The following COX7B2 variants were observed in gnomAD, a reference collection of about 807,000 sequenced individuals.
The protein encoded by COX7B2 is cytochrome c oxidase subunit 7B2, mitochondrial.
For missense variants in COX7B2, 109 were observed against 95.9 expected, an observed-to-expected ratio of 1.14 and a Z score of -0.57; for synonymous variants, 37 against 32.1, an observed-to-expected ratio of 1.15 and a Z score of -0.51.
At chr4:46,856,311 C>A (rs1200118362) in intron 1 of COX7B2, among the ~76,000 whole-genome samples, 1 of 152,102 alleles carries the variant, frequency 6.6e-6, no homozygotes, top group Non-Finnish European at 1.5e-5. Flanking sequence ...AGATTGAGAA[C>A]CAGGCAGAGG....
chr4:46,768,351 A>ATATC (rs980446590), intron 2 of COX7B2, among the ~76,000 whole-genome samples: 7 of 133,674 alleles, frequency 5.2e-5, no homozygotes, highest in African/African-American at 1.9e-4. Context: ...ATAGTCTCCA[A>ATATC]TATCTAGCTG....
In COX7B2 at chr4:46,824,520, G is replaced by C. The variant is rs547246579; in HGVS notation, c.-50+20440C>G. Among the ~76,000 whole-genome samples the C allele has an allele frequency of 2.9e-4, 44 of 152,088 alleles. 1 individual carries two copies. Among genetic ancestry groups the C allele is most frequent in the African/African-American group, 9.2e-4 (38 of 41,504 alleles). ...TGCTGCCGTATGTGATTACAGTTAA[G>C]AGATAGAAAAACAGACAAACAAACA... On this transcript the variant is annotated intron_variant, in intron 2 of 2. Coordinates refer to ENST00000355591, the MANE Select transcript of COX7B2 (RefSeq NM_130902.3).
At chr4:46,851,061 G>GAA (rs1716646916) in intron 1 of COX7B2, among the ~76,000 whole-genome samples, 2 of 152,040 alleles carry the variant, frequency 1.3e-5, no homozygotes, top group Admixed American at 1.3e-4. Context: ...AGTTACCGGG[G>GAA]AACAAAGGCT....
chr4:46,837,006 A>G (rs1207385474), intron 2 of COX7B2, among the ~76,000 whole-genome samples: 4 of 152,116 alleles, frequency 2.6e-5, no homozygotes, highest in African/African-American at 4.8e-5. Flanking sequence ...AGTTTTACAT[A>G]TAGATTAGTC....
At chr4:46,828,112 T>C (rs1316289206) in intron 2 of COX7B2, among the ~76,000 whole-genome samples, 1 of 152,138 alleles carries the variant, frequency 6.6e-6, no homozygotes, top group South Asian at 2.1e-4. Flanking sequence ...AAATTTGATT[T>C]AGGAAAACAT....
intron 2 of COX7B2, among the ~76,000 whole-genome samples, chr4:46,813,437 C>G (rs59667605): frequency 7.2e-5 from 11 of 152,054 alleles, no homozygotes; most frequent in African/African-American, 2.7e-4. Flanking sequence ...AAACATAGAT[C>G]ACTCAGATTA....
At chr4:46,831,760 T>G (rs1715124257) in intron 2 of COX7B2, among the ~76,000 whole-genome samples, 1 of 152,130 alleles carries the variant, frequency 6.6e-6, no homozygotes. Context: ...GGTTTGTAAA[T>G]GCACCAATCA....
chr4:46,754,728 G>GTGTGTATA (rs1333586285), intron 2 of COX7B2, among the ~76,000 whole-genome samples: 1 of 39,866 alleles, frequency 2.5e-5, no homozygotes, highest in Non-Finnish European at 4.1e-5. Flanking sequence ...GTGTGTGTGT[G>GTGTGTATA]TATATATATA....
At chr4:46,831,335 C>T (rs567496471) in intron 2 of COX7B2, among the ~76,000 whole-genome samples, 30 of 152,150 alleles carry the variant, frequency 2.0e-4, no homozygotes, top group Non-Finnish European at 3.7e-4. Flanking sequence ...CCTCCCACCC[C>T]GCCATGGGCT....
At position 46,778,326 on chromosome 4, in the gene COX7B2, C is replaced by T. The variant is rs376190311; in HGVS notation, c.-49-43085G>A. Among the ~76,000 whole-genome samples, 19 of 152,224 alleles carry T rather than the reference C, an allele frequency of 1.2e-4. No individual in the cohort carries two copies. In the East Asian group the frequency reaches 3.5e-3, roughly 28 times the overall value. On this transcript the variant is annotated intron_variant, in intron 2 of 2. Coordinates refer to ENST00000355591, the MANE Select transcript of COX7B2 (RefSeq NM_130902.3). Reference sequence around the variant, plus strand: ...ATATTACACAAGTGTCTCCTATACTCATTAATTTTCCTTTTTCAATATACA... The same window carrying T: ...ATATTACACAAGTGTCTCCTATACTTATTAATTTTCCTTTTTCAATATACA...
At chr4:46,881,209 G>A (rs1265360399) in intron 1 of COX7B2, among the ~76,000 whole-genome samples, 1 of 152,108 alleles carries the variant, frequency 6.6e-6, no homozygotes, top group Non-Finnish European at 1.5e-5. Flanking sequence ...TGCCCAAGGT[G>A]GTCAGGGCAC....
intron 2 of COX7B2, among the ~76,000 whole-genome samples, chr4:46,761,511 T>C (rs1403692512): frequency 6.6e-6 from 1 of 152,170 alleles, no homozygotes; most frequent in Non-Finnish European, 1.5e-5. Flanking sequence ...AGCTGAACTG[T>C]TCCTGTTTCT....
chr4:46,751,977 G>C (rs1377579005), intron 2 of COX7B2, among the ~76,000 whole-genome samples: 5 of 152,040 alleles, frequency 3.3e-5, no homozygotes, highest in Admixed American at 6.6e-5. Flanking sequence ...AGCTTGATGG[G>C]GATGGCATTG....
chr4:46,835,455 CAT>C lies in COX7B2; in HGVS notation c.-50+9503_-50+9504del, dbSNP rs1003805311. ...GTCCCCCCTCAAAAACACACACACA[CAT>C]GTTAATAAGGCAGACTGTTCGAGAA... On this transcript the variant is annotated intron_variant, in intron 2 of 2. Transcript: ENST00000355591. Among the ~76,000 whole-genome samples the C allele has an allele frequency of 2.6e-4, 40 of 151,784 alleles. No individual in the cohort carries two copies. In the East Asian group the frequency reaches 4.2e-3, roughly 16 times the overall value.
intron 1 of COX7B2, among the ~76,000 whole-genome samples, chr4:46,854,427 A>G (rs1202364123): frequency 6.6e-6 from 1 of 152,244 alleles, no homozygotes; most frequent in Non-Finnish European, 1.5e-5. Flanking sequence ...TAGCCACACT[A>G]GCCATATGTG....
intron 2 of COX7B2, among the ~76,000 whole-genome samples, chr4:46,806,342 A>C (rs1161059882): frequency 6.6e-6 from 1 of 151,968 alleles, no homozygotes; most frequent in African/African-American, 2.4e-5. Flanking sequence ...TGATGAAAAA[A>C]TAAAAAATAA....
At chr4:46,868,202 T>A (rs1348627572) in intron 1 of COX7B2, among the ~76,000 whole-genome samples, 1 of 152,158 alleles carries the variant, frequency 6.6e-6, no homozygotes, top group Non-Finnish European at 1.5e-5. Context: ...CTAATTTTAT[T>A]TCTGTGGGGT....
intron 2 of COX7B2, among the ~76,000 whole-genome samples, chr4:46,815,676 T>C (rs1172067046): frequency 6.6e-6 from 1 of 152,216 alleles, no homozygotes; most frequent in African/African-American, 2.4e-5. Flanking sequence ...GTATCACTCT[T>C]ATTTCTCGTC....
chr4:46,878,318 T>G (rs1228797368), intron 1 of COX7B2, among the ~76,000 whole-genome samples: 1 of 151,956 alleles, frequency 6.6e-6, no homozygotes, highest in East Asian at 1.9e-4. Context: ...AATCTAGAGA[T>G]CTAATGTATA....
Sources: allele counts gnomAD v4.1 joint callset (sites outside exome capture counted in the v4.1 genomes callset), GRCh38; gene constraint gnomAD v4.1.1; transcripts MANE v1.5; gene names NCBI Gene and HGNC (gene_info 2026-07-23, HGNC 2026-07-21).